The following SPRY3 variants were observed in gnomAD, a reference collection of about 807,000 sequenced individuals.
SPRY3 encodes the protein protein sprouty homolog 3.
Under a neutral mutation model 20.2 loss-of-function variants are expected in SPRY3, and 15 were observed. That is an observed-to-expected ratio of 0.74 (90% CI 0.50 to 1.14). SPRY3 has a LOEUF of 1.14. Among genes scored for constraint, SPRY3 ranks in the 50% most tolerant of loss-of-function variants. The pLI is 0.00. For synonymous variants in SPRY3, 143 were observed against 136.5 expected, an observed-to-expected ratio of 1.05 and a Z score of -0.33; for missense variants, 364 against 363.9, an observed-to-expected ratio of 1.00 and a Z score of 0.00.
At chrX:155,779,321 G>A (rs1167241439), downstream of SPRY3, 18 of 167,036 alleles carry the variant, frequency 1.1e-4, no homozygotes. Flanking sequence ...CTAGGGTGGT[G>A]CTTTTACCTT....
chrX:155,765,854 C>G (rs905811309), intron 2 of SPRY3, among the ~76,000 whole-genome samples: 4 of 152,192 alleles, frequency 2.6e-5, no homozygotes, highest in Admixed American at 6.5e-5. Flanking sequence ...TTCATAGCTA[C>G]TATTCATGGG....
intron 1 of SPRY3, among the ~76,000 whole-genome samples, chrX:155,644,636 G>T (rs1557351703): frequency 2.7e-5 from 3 of 111,092 alleles, no homozygotes; most frequent in Non-Finnish European, 5.7e-5. Context: ...AGGCCCACAG[G>T]GAGTACTGCC....
At chrX:155,631,100 C>T (rs1389934835) in intron 1 of SPRY3, among the ~76,000 whole-genome samples, 2 of 111,105 alleles carry the variant, frequency 1.8e-5, no homozygotes, top group East Asian at 5.6e-4. Flanking sequence ...CCCTCCTTCT[C>T]TCCCTGCTCC....
At chrX:155,674,716 T>C (rs1557355100) in intron 2 of SPRY3, among the ~76,000 whole-genome samples, 1 of 111,332 alleles carries the variant, frequency 9.0e-6, no homozygotes, top group African/African-American at 3.3e-5. Flanking sequence ...AAGTCTTTTT[T>C]TTTCATATAT....
At chrX:155,685,847 A>G (rs1190286870) in intron 2 of SPRY3, among the ~76,000 whole-genome samples, 1 of 111,151 alleles carries the variant, frequency 9.0e-6, no homozygotes, top group Non-Finnish European at 1.9e-5. Flanking sequence ...AGCTGACTGC[A>G]ACCTCCACCT....
At chrX:155,623,610 G>C (rs1270308214) in intron 1 of SPRY3, among the ~76,000 whole-genome samples, 1 of 111,810 alleles carries the variant, frequency 8.9e-6, no homozygotes, top group African/African-American at 3.2e-5. Flanking sequence ...TGCTCTATCT[G>C]ATGCTGTTTT....
chrX:155,745,819 C>T (rs1056240662), intron 2 of SPRY3, among the ~76,000 whole-genome samples: 45 of 151,938 alleles, frequency 3.0e-4, no homozygotes, highest in African/African-American at 2.4e-5. Flanking sequence ...ATGAGCAAAC[C>T]TAGTAGTGAT....
intron 2 of SPRY3, among the ~76,000 whole-genome samples, chrX:155,766,592 C>G (rs1602999795): frequency 6.6e-6 from 1 of 152,130 alleles, no homozygotes; most frequent in Non-Finnish European, 1.5e-5. Flanking sequence ...ATCAGATCTC[C>G]TTTATTTTAA....
rs35185538 is a variant in SPRY3 at position 155,699,976 on chromosome X, CTTT to C, written c.-282+42964_-282+42966del. On this transcript the variant is annotated intron_variant, in intron 2 of 3. Coordinates refer to ENST00000675360, the Ensembl canonical transcript of SPRY3. ...CAGCACAAATGGAAACCCTTAATCT[CTTT>C]TTTTTTTTTTTTGTATATATGTTAA... 5.3e-4 allele frequency among the ~76,000 whole-genome samples: 49 copies of C among 91,620 alleles called. 1 individual carries two copies. Among genetic ancestry groups the C allele is most frequent in the African/African-American group, 1.8e-3 (46 of 25,021 alleles). The allele number at this position is 91,620 out of a possible 115,157, so 79.6% of individuals were successfully genotyped here. A position where few individuals can be genotyped will look rare whatever the true frequency, so the allele number is the denominator to read the frequency against.
intron 1 of SPRY3, among the ~76,000 whole-genome samples, chrX:155,646,038 GTTGAAAAAAC>G (rs2067956783): frequency 8.9e-6 from 1 of 111,776 alleles, no homozygotes; most frequent in African/African-American, 3.2e-5. Flanking sequence ...ACTACCATTT[GTTGAAAAAAC>G]TATTCTTCCC....
At chrX:155,695,846 T>C (rs2068116787) in intron 2 of SPRY3, among the ~76,000 whole-genome samples, 1 of 111,202 alleles carries the variant, frequency 9.0e-6, no homozygotes, top group Non-Finnish European at 1.9e-5. Flanking sequence ...TCCAATTCAC[T>C]TCTAGTGTAA....
intron 1 of SPRY3, among the ~76,000 whole-genome samples, chrX:155,617,819 G>GCTATA (rs1557349049): frequency 2.7e-5 from 3 of 111,856 alleles, no homozygotes; most frequent in Non-Finnish European, 5.6e-5. Context: ...TCAGAATCCA[G>GCTATA]TAATAGGCCG....
At chrX:155,748,242 TAAAG>T (rs909987828) in intron 2 of SPRY3, among the ~76,000 whole-genome samples, 4 of 151,998 alleles carry the variant, frequency 2.6e-5, no homozygotes, top group African/African-American at 9.6e-5. Context: ...CACTTGGCTA[TAAAG>T]ATAGTATCGA....
chrX:155,683,268 A>G (rs960897836), intron 2 of SPRY3, among the ~76,000 whole-genome samples: 1 of 112,105 alleles, frequency 8.9e-6, no homozygotes, highest in African/African-American at 3.2e-5. Flanking sequence ...TGCATGCTAC[A>G]GAGAAATATT....
chrX:155,656,602 C>T (rs1482325313), intron 1 of SPRY3, among the ~76,000 whole-genome samples: 1 of 111,093 alleles, frequency 9.0e-6, no homozygotes, highest in Non-Finnish European at 1.9e-5. Flanking sequence ...TCTGTCAATT[C>T]GTCAAACTCA....
chrX:155,778,013 C>T (rs1315836220), downstream of SPRY3: 1 of 166,942 alleles, frequency 6.0e-6, no homozygotes, highest in African/African-American at 2.4e-5. Context: ...TTTATATTAG[C>T]TCATTCATTC....
At chrX:155,735,732 A>G (rs189207683) in intron 2 of SPRY3, among the ~76,000 whole-genome samples, 2 of 152,104 alleles carry the variant, frequency 1.3e-5, no homozygotes, top group African/African-American at 2.4e-5. Context: ...TGTAGACAAC[A>G]TATAGTTGGT....
chrX:155,697,275 A>T (rs767170934), intron 2 of SPRY3, among the ~76,000 whole-genome samples: 1 of 110,684 alleles, frequency 9.0e-6, no homozygotes, highest in East Asian at 2.9e-4. Context: ...GGAAAGGTGG[A>T]TTCTTTCTCT....
chrX:155,734,018 C>T (rs745679423), intron 2 of SPRY3, among the ~76,000 whole-genome samples: 2 of 152,186 alleles, frequency 1.3e-5, no homozygotes, highest in African/African-American at 4.8e-5. Context: ...AAACGTTCTC[C>T]GGATAAGCAA....
Sources: allele counts gnomAD v4.1 joint callset (sites outside exome capture counted in the v4.1 genomes callset), GRCh38; gene constraint gnomAD v4.1.1; transcripts MANE v1.5; gene names NCBI Gene and HGNC (gene_info 2026-07-23, HGNC 2026-07-21).